The following KCND3 variants were observed in gnomAD, a reference collection of about 807,000 sequenced individuals.
KCND3 encodes the protein A-type voltage-gated potassium channel KCND3.
Under a neutral mutation model 51.1 loss-of-function variants are expected in KCND3, and 9 were observed. The observed-to-expected ratio is 0.18, with a 90% confidence interval of 0.11 to 0.31. KCND3 has a LOEUF of 0.31. Ranked by LOEUF, KCND3 falls within the 10% of genes least tolerant of loss-of-function variation. The pLI is 1.00. For synonymous variants in KCND3, 349 were observed against 368.0 expected (o/e 0.95, Z 0.59); for missense variants, 526 against 903.8 (o/e 0.58, Z 5.36).
intron 2 of KCND3, among the ~76,000 whole-genome samples, chr1:111,919,171 G>T (rs1188852869): frequency 2.0e-5 from 3 of 150,604 alleles, no homozygotes; most frequent in Non-Finnish European, 4.4e-5. Context: ...AGTAAACAAG[G>T]GAGAATCCTT....
intron 2 of KCND3, chr1:111,910,165 G>A (rs991698570): frequency 6.6e-6 from 1 of 152,232 alleles, no homozygotes; most frequent in Non-Finnish European, 1.5e-5. Context: ...ACCCAGTGGA[G>A]AGAAGGTTGA....
chr1:111,895,790 G>A (rs1054668832), intron 2 of KCND3, among the ~76,000 whole-genome samples: 13 of 152,256 alleles, frequency 8.5e-5, no homozygotes, highest in Non-Finnish European at 1.2e-4. Context: ...CAGCGGAAAC[G>A]CTGCCAGCTC....
intron 2 of KCND3, among the ~76,000 whole-genome samples, chr1:111,951,388 G>C (rs1673057347): frequency 6.6e-6 from 1 of 152,068 alleles, no homozygotes; most frequent in South Asian, 2.1e-4. Context: ...CTGTTCATCA[G>C]TTTTTATGGA....
intron 2 of KCND3, among the ~76,000 whole-genome samples, chr1:111,841,583 C>T (rs1667323041): frequency 6.6e-6 from 1 of 152,220 alleles, no homozygotes; most frequent in Admixed American, 6.5e-5. Context: ...GTCTTAAATT[C>T]TCTGAGGTGT....
At chr1:111,985,864 C>T (rs540633485) in intron 1 of KCND3, among the ~76,000 whole-genome samples, 211 of 152,244 alleles carry the variant, frequency 1.4e-3, no homozygotes, top group Non-Finnish European at 1.9e-3. Context: ...TTCCCGTAAG[C>T]GTCACTGCTC....
chr1:111,872,076 CT>C (rs1179319749), intron 2 of KCND3, among the ~76,000 whole-genome samples: 1 of 152,158 alleles, frequency 6.6e-6, no homozygotes, highest in African/African-American at 2.4e-5. Context: ...AAAATAAAAC[CT>C]TATATGTGAT....
intron 2 of KCND3, among the ~76,000 whole-genome samples, chr1:111,804,386 C>T (rs671389): frequency 0.017 from 2,523 of 152,336 alleles, 62 homozygotes; most frequent in African/African-American, 0.057. Context: ...CACCCTGTTG[C>T]GACTGCACGC....
chr1:111,972,449 G>A (rs1351009682), intron 2 of KCND3, among the ~76,000 whole-genome samples: 1 of 152,194 alleles, frequency 6.6e-6, no homozygotes, highest in Admixed American at 6.5e-5. Flanking sequence ...TGGGATTACA[G>A]GCGTGAGCCC....
chr1:111,968,190 T>A, intron 2 of KCND3, among the ~76,000 whole-genome samples: 1 of 152,106 alleles, frequency 6.6e-6, no homozygotes, highest in East Asian at 1.9e-4. Context: ...TTTTTATTAA[T>A]CCACACAACA....
chr1:111,811,792 A>C (rs1665863817), intron 2 of KCND3, among the ~76,000 whole-genome samples: 1 of 152,196 alleles, frequency 6.6e-6, no homozygotes, highest in Admixed American at 6.5e-5. Flanking sequence ...TCCCCTGGAG[A>C]GACGTTACTT....
At chr1:111,853,660 C>A (rs1313840087) in intron 2 of KCND3, 1 of 152,270 alleles carries the variant, frequency 6.6e-6, no homozygotes, top group Non-Finnish European at 1.5e-5. Context: ...TGTGTCCCCA[C>A]CCCTGTTCCC....
At chr1:111,898,472 C>T (rs1250033839) in intron 2 of KCND3, among the ~76,000 whole-genome samples, 2 of 152,188 alleles carry the variant, frequency 1.3e-5, no homozygotes, top group African/African-American at 4.8e-5. Context: ...ATTGGTGGTG[C>T]ACGTGGCCAT....
chr1:111,818,321 T>G (rs1287506214), intron 2 of KCND3, among the ~76,000 whole-genome samples: 1 of 152,118 alleles, frequency 6.6e-6, no homozygotes. Context: ...TGAGAACAGA[T>G]TCCCACCAGC....
In KCND3 at chr1:111,774,070, G is replaced by A. The variant is rs958712839; in HGVS notation, c.*2007C>T. On this transcript the variant is annotated 3_prime_UTR_variant, in exon 8 of 8. Coordinates refer to ENST00000302127, the MANE Select transcript of KCND3 (RefSeq NM_001378969.1). ...AGAAAGAACTCAGCCCATGGTCAAT[G>A]AGGATAAGCATAAAGAGATAAAGAC... 1 of 152,230 alleles carries A rather than the reference G, an allele frequency of 6.6e-6. No homozygotes were observed. The highest frequency in any genetic ancestry group is 6.5e-5 in the Admixed American group (1 of 15,284). 9.4% of individuals were successfully genotyped at this position (152,230 alleles called of 1,614,324 possible). A position where few individuals can be genotyped will look rare whatever the true frequency, so the allele number is the denominator to read the frequency against.
chr1:111,863,857 T>G (rs1382320895), intron 2 of KCND3, among the ~76,000 whole-genome samples: 1 of 150,608 alleles, frequency 6.6e-6, no homozygotes, highest in African/African-American at 2.5e-5. Flanking sequence ...AGGGGAGAAA[T>G]GATGAGGGGG....
chr1:111,836,370 C>G (rs1023773745), intron 2 of KCND3, among the ~76,000 whole-genome samples: 18 of 152,212 alleles, frequency 1.2e-4, no homozygotes, highest in Non-Finnish European at 2.4e-4. Context: ...ATCGCACTCC[C>G]TCCCAGTAAT....
intron 2 of KCND3, among the ~76,000 whole-genome samples, chr1:111,836,098 T>C (rs1275144924): frequency 1.3e-5 from 2 of 152,256 alleles, no homozygotes; most frequent in Non-Finnish European, 2.9e-5. Context: ...TTGGGCATAA[T>C]GCATGGCTTT....
chr1:111,943,876 A>T (rs1178847133), intron 2 of KCND3, among the ~76,000 whole-genome samples: 1 of 152,188 alleles, frequency 6.6e-6, no homozygotes, highest in East Asian at 1.9e-4. Context: ...CCAGGACCCA[A>T]ATCCAGAAAC....
chr1:111,984,123 T>G (rs897573778), intron 1 of KCND3, among the ~76,000 whole-genome samples: 6 of 152,230 alleles, frequency 3.9e-5, no homozygotes, highest in Middle Eastern at 3.2e-3. Flanking sequence ...GCTGCTGTGA[T>G]TCTAAGTTTA....
Sources: allele counts gnomAD v4.1 joint callset (sites outside exome capture counted in the v4.1 genomes callset), GRCh38; gene constraint gnomAD v4.1.1; transcripts MANE v1.5; gene names NCBI Gene and HGNC (gene_info 2026-07-23, HGNC 2026-07-21).